Variants in STAT3 observed in about 807,000 individuals in gnomAD.
STAT3 encodes the protein DNA-binding protein APRF.
Under a neutral mutation model 114.3 loss-of-function variants are expected in STAT3, and 7 were observed. The ratio of observed to expected loss-of-function variants is 0.06; its 90% CI spans 0.03 to 0.11. The LOEUF (loss-of-function observed/expected upper bound fraction) is 0.11, where lower values mean the gene tolerates loss of function less well. Ranked by LOEUF, STAT3 falls within the 10% of genes least tolerant of loss-of-function variation. STAT3 has a pLI of 1.00. For synonymous variants in STAT3, 331 were observed against 354.5 expected (o/e 0.93, Z 0.74); for missense variants, 364 against 960.9 (o/e 0.38, Z 8.21).
At chr17:42,321,146 G>C (rs1462784133) in intron 21 of STAT3, among the ~76,000 whole-genome samples, 1 of 134,332 alleles carries the variant, frequency 7.4e-6, no homozygotes, top group Admixed American at 7.8e-5. Flanking sequence ...GTGAGTCAAG[G>C]TCTTGCTCTG....
rs1300373421 is a variant in STAT3, at chr17:42,333,460, G to A, written c.1049+213C>T. Among the ~76,000 whole-genome samples, 3 of 152,090 alleles carry A rather than the reference G, an allele frequency of 2.0e-5. No individual in the cohort carries two copies. Among genetic ancestry groups the A allele is most frequent in the African/African-American group, 7.2e-5 (3 of 41,402 alleles). On this transcript the variant is annotated intron_variant, in intron 10 of 23. Transcript: ENST00000264657. The surrounding 1 kb of genome is among the most constrained non-coding windows in gnomAD (Gnocchi z 5.2). ...TCCAGGTCTACAATCATAGGAATAT[G>A]CCCAGGTACCTTCAAAAAGATGACT...
Position 42,337,338 on chromosome 17 carries a change from C to G in STAT3, c.797+97G>C. ...AAATTTGAATATGGAAAAGTCCCCA[C>G]GTTGGAGATATAGTACCAATTCTGT... On this transcript the variant is annotated intron_variant, in intron 8 of 23. Coordinates refer to ENST00000264657, the MANE Select transcript of STAT3 (RefSeq NM_139276.3). The surrounding 1 kb of genome is among the most constrained non-coding windows in gnomAD (Gnocchi z 4.0). 6.6e-7 allele frequency: 1 copy of G among 1,517,870 alleles called. No homozygotes were observed. The highest frequency in any genetic ancestry group is 1.3e-5 in the South Asian group (1 of 79,970). 94.0% of individuals were successfully genotyped at this position (1,517,870 alleles called of 1,614,324 possible). A position where few individuals can be genotyped will look rare whatever the true frequency, so the allele number is the denominator to read the frequency against.
chr17:42,385,347 A>T (rs1273775434), intron 1 of STAT3, among the ~76,000 whole-genome samples: 1 of 151,904 alleles, frequency 6.6e-6, no homozygotes, highest in East Asian at 1.9e-4. Context: ...TATCTCTACT[A>T]AAAATACAAA....
At chr17:42,320,386 T>C (rs888225843) in intron 21 of STAT3, among the ~76,000 whole-genome samples, 6 of 152,170 alleles carry the variant, frequency 3.9e-5, no homozygotes, top group African/African-American at 9.7e-5. Context: ...AAAATAGTTT[T>C]TTCAACAGCA....
Position 42,313,950 on chromosome 17 carries a change from A to C in STAT3, c.*1795T>G. On this transcript the variant is annotated 3_prime_UTR_variant, in exon 24 of 24. Coordinates refer to ENST00000264657, the MANE Select transcript of STAT3 (RefSeq NM_139276.3). ...CCAGCTAATTTGATTTAACAAACAG[A>C]ATTCCACAGAAACTCTGATCAGCTG... The C allele has an allele frequency of 4.3e-6, 1 of 231,676 alleles. No individual in the cohort carries two copies. The highest frequency in any genetic ancestry group is 5.6e-5 in the Admixed American group (1 of 17,718). The allele number at this position is 231,676 out of a possible 1,614,324, so 14.4% of individuals were successfully genotyped here. A position where few individuals can be genotyped will look rare whatever the true frequency, so the allele number is the denominator to read the frequency against.
chr17:42,349,502 A>G (rs973979788), intron 1 of STAT3, among the ~76,000 whole-genome samples: 3 of 152,232 alleles, frequency 2.0e-5, no homozygotes, highest in African/African-American at 7.2e-5. Flanking sequence ...CCAAGACTAC[A>G]GGTTTAAAAG....
intron 1 of STAT3, among the ~76,000 whole-genome samples, chr17:42,359,530 GA>G (rs1390996410): frequency 6.6e-6 from 1 of 152,002 alleles, no homozygotes; most frequent in African/African-American, 2.4e-5. Flanking sequence ...AGTAAAAGGT[GA>G]AAACACTAAG....
chr17:42,374,070 T>A (rs991497710), intron 1 of STAT3: 1 of 152,122 alleles, frequency 6.6e-6, no homozygotes, highest in African/African-American at 2.4e-5. Context: ...TCATTACACA[T>A]CATAGTTTTG....
chr17:42,329,837 T>C, intron 11 of STAT3, 61 bp from the exon 12 acceptor site: 1 of 1,580,978 alleles, frequency 6.3e-7, no homozygotes, highest in Non-Finnish European at 8.7e-7. Flanking sequence ...AAAGCCTACT[T>C]TGACCACCTG....
intron 1 of STAT3, among the ~76,000 whole-genome samples, chr17:42,381,966 T>C (rs892260164): frequency 6.6e-6 from 1 of 152,194 alleles, no homozygotes; most frequent in African/African-American, 2.4e-5. Context: ...AGAAAAGGGA[T>C]AAGAACTGTG....
chr17:42,369,398 G>A (rs1219401435), intron 1 of STAT3, among the ~76,000 whole-genome samples: 3 of 151,976 alleles, frequency 2.0e-5, no homozygotes, highest in Non-Finnish European at 2.9e-5. Flanking sequence ...ACATGATCTC[G>A]TTGTTTTTTA....
chr17:42,322,925 CAGT>C, intron 20 of STAT3, 76 bp downstream of exon 20: 1 of 1,601,714 alleles, frequency 6.2e-7, no homozygotes, highest in South Asian at 1.1e-5. Context: ...CACCAGGGGG[CAGT>C]AGGTGCTTGC....
chr17:42,316,179 TTTAAAGGC>T, intron 23 of STAT3: 3 of 748,646 alleles, frequency 4.0e-6, no homozygotes, highest in Middle Eastern at 5.2e-4. Flanking sequence ...CCCACTGGAT[TTTAAAGGC>T]TTAGTATGAA....
chr17:42,348,617 C>G, intron 1 of STAT3, 78 bp from the exon 2 acceptor site: 1 of 1,538,154 alleles, frequency 6.5e-7, no homozygotes. Flanking sequence ...TTGCCCAACA[C>G]AGGTGTCAGG....
chr17:42,317,214 T>C lies in STAT3; in HGVS notation c.2112A>G (p.Pro704=). Reference sequence around the variant, plus strand: ...CACAGATAAACTTGGTCTTCAGGTATGGGGCAGCGCCTGGGAAGAAGAAAA... The same window carrying C: ...CACAGATAAACTTGGTCTTCAGGTACGGGGCAGCGCCTGGGAAGAAGAAAA... The part of the protein sequence containing the change: ...HPEADPGSAA[P]YLKTKFICVT... Residue 704 remains proline (P), a synonymous_variant, in exon 22 of 24, where the codon CCA becomes CCG. Coordinates refer to ENST00000264657, the MANE Select transcript of STAT3 (RefSeq NM_139276.3). 6.2e-7 allele frequency: 1 copy of C among 1,613,902 alleles called. No individual in the cohort carries two copies. The highest frequency in any genetic ancestry group is 8.5e-7 in the Non-Finnish European group (1 of 1,179,900).
At chr17:42,325,957 G>A (rs2081698240) in intron 15 of STAT3, among the ~76,000 whole-genome samples, 159 bp downstream of exon 15, 1 of 152,092 alleles carries the variant, frequency 6.6e-6, no homozygotes, top group Non-Finnish European at 1.5e-5. Context: ...ATTGCCAGAT[G>A]GGATGCCAAG....
At position 42,329,393 on chromosome 17, in the gene STAT3, T is replaced by C. The variant is rs777812821; in HGVS notation, c.1281+17A>G. 1 of 1,613,440 alleles carries C rather than the reference T, an allele frequency of 6.2e-7. No homozygotes were observed. The highest frequency in any genetic ancestry group is 1.1e-5 in the South Asian group (1 of 91,048). On this transcript the variant is annotated intron_variant, in intron 14 of 23. Transcript: ENST00000264657. ...AGGAAAACACCCCAGTTGTCTTTCATCCCCAACAAAACTTACATCACAATT... is the reference window on the plus strand; with the variant it reads ...AGGAAAACACCCCAGTTGTCTTTCACCCCCAACAAAACTTACATCACAATT...
chr17:42,369,041 C>G (rs2083959189), intron 1 of STAT3, among the ~76,000 whole-genome samples: 1 of 152,114 alleles, frequency 6.6e-6, no homozygotes, highest in Non-Finnish European at 1.5e-5. Flanking sequence ...AGGATAATAG[C>G]CTCCAGCTCC....
chr17:42,346,335 C>T (rs1479838109), intron 3 of STAT3, among the ~76,000 whole-genome samples: 1 of 152,190 alleles, frequency 6.6e-6, no homozygotes, highest in African/African-American at 2.4e-5. Flanking sequence ...GTATGATTAA[C>T]ATAACAATCA....
Sources: allele counts gnomAD v4.1 joint callset (sites outside exome capture counted in the v4.1 genomes callset), GRCh38; gene constraint gnomAD v4.1.1; non-coding constraint Gnocchi (gnomAD v3.1); transcripts MANE v1.5; gene names NCBI Gene and HGNC (gene_info 2026-07-23, HGNC 2026-07-21).